SH3BP4: variants seen among roughly 807,000 people sequenced by gnomAD.
SH3BP4 encodes SH3 domain binding protein 4.
In SH3BP4, 33 loss-of-function variants were observed where a neutral mutation model predicts 65.5. The ratio of observed to expected loss-of-function variants is 0.50; its 90% CI spans 0.38 to 0.67. The LOEUF (loss-of-function observed/expected upper bound fraction) is 0.67. Among genes scored for constraint, SH3BP4 ranks in the 30% least tolerant of loss-of-function variants. The pLI is 0.00. For missense variants in SH3BP4, 1,134 were observed against 1,261.4 expected, an observed-to-expected ratio of 0.90 and a Z score of 1.53; for synonymous variants, 552 against 545.5, an observed-to-expected ratio of 1.01 and a Z score of -0.17.
chr2:235,042,677 G>A lies in SH3BP4; in HGVS notation c.1908G>A (p.Leu636=), dbSNP rs1559257931. ...AGAACGAAGTCGGGAAAATCATCCT[G>A]TCCCCGTTTGCCACCACTACAAAGT... is the stretch of plus-strand genomic sequence containing the variant. The part of the protein sequence containing the change: ...LKKNEVGKII[L]SPFATTTKYP... The change falls in exon 4 of 6, where the codon CTG becomes CTA. Residue 636 remains leucine, a synonymous_variant. Coordinates refer to ENST00000392011, the MANE Select transcript of SH3BP4 (RefSeq NM_014521.3). The surrounding 1 kb of genome is among the most constrained non-coding windows in gnomAD (Gnocchi z 7.3). The A allele has an allele frequency of 5.0e-6, 8 of 1,614,174 alleles. No individual in the cohort carries two copies. Among genetic ancestry groups the A allele is most frequent in the African/African-American group, 2.7e-5 (2 of 75,032 alleles).
Position 235,034,907 on chromosome 2 carries a change from C to T in SH3BP4, c.-96C>T. Reference sequence around the variant, plus strand: ...TTGCCGAGTGGATGCCGCCGCGCAGCGTGTTTGCTTGAGGCAGAAGCTTCA... The same window carrying T: ...TTGCCGAGTGGATGCCGCCGCGCAGTGTGTTTGCTTGAGGCAGAAGCTTCA... On this transcript the variant is annotated 5_prime_UTR_variant, in exon 3 of 6. Transcript: ENST00000392011. The surrounding 1 kb of genome is among the most constrained non-coding windows in gnomAD (Gnocchi z 6.2). 4 of 1,018,264 alleles carry T rather than the reference C, an allele frequency of 3.9e-6. No homozygotes were observed. Among genetic ancestry groups the T allele is most frequent in the Admixed American group, 2.0e-5 (1 of 50,826 alleles). The allele number at this position is 1,018,264 out of a possible 1,614,324, so 63.1% of individuals were successfully genotyped here. A position where few individuals can be genotyped will look rare whatever the true frequency, so the allele number is the denominator to read the frequency against.
At chr2:234,956,357 C>T (rs1574769495) in intron 1 of SH3BP4, among the ~76,000 whole-genome samples, 2 of 152,252 alleles carry the variant, frequency 1.3e-5, no homozygotes, top group Admixed American at 1.3e-4. Flanking sequence ...AGGGTTCCAC[C>T]TTCCTCTTTA....
chr2:234,955,698 T>C (rs1462388981), intron 1 of SH3BP4, among the ~76,000 whole-genome samples: 2 of 152,174 alleles, frequency 1.3e-5, no homozygotes, highest in Non-Finnish European at 2.9e-5. Context: ...CATATGGATT[T>C]GAGGAAGTAG....
At position 235,042,599 on chromosome 2, in the gene SH3BP4, G is replaced by A. The variant is rs1695704610; in HGVS notation, c.1830G>A (p.Gln610=). 1 of 1,613,986 alleles carries A rather than the reference G, an allele frequency of 6.2e-7. No individual in the cohort carries two copies. The highest frequency in any genetic ancestry group is 8.5e-7 in the Non-Finnish European group (1 of 1,180,034). ...ILTQFCVQTP[Q]PPPKSAIKPS... ...CCCAGTTTTGTGTCCAGACTCCTCA[G>A]CCACCCCCTAAAAGTGCCATCAAGC... The change falls in exon 4 of 6, where the codon CAG becomes CAA. Residue 610 remains glutamine, a synonymous_variant. Coordinates refer to ENST00000392011, the MANE Select transcript of SH3BP4 (RefSeq NM_014521.3). The surrounding 1 kb of genome is among the most constrained non-coding windows in gnomAD (Gnocchi z 7.3).
rs953209625 is a variant in SH3BP4, at chr2:235,046,569, C to T, written c.2478+3322C>T. 6.6e-6 allele frequency among the ~76,000 whole-genome samples: 1 copy of T among 152,016 alleles called. No homozygotes were observed. Among genetic ancestry groups the T allele is most frequent in the South Asian group, 2.1e-4 (1 of 4,818 alleles). ...CCTGGACAACAGAGTGAAACCCTGT[C>T]TTGAAAATAAAGGAAGAGAAGAAAA... On this transcript the variant is annotated intron_variant, in intron 4 of 5. Transcript: ENST00000392011. This position sits in a 1 kb window ranked among gnomAD's most constrained non-coding sequence, Gnocchi z 4.2.
chr2:235,003,551 C>T (rs577203675), intron 2 of SH3BP4, among the ~76,000 whole-genome samples: 12 of 152,314 alleles, frequency 7.9e-5, no homozygotes, highest in Admixed American at 5.9e-4. Flanking sequence ...GACTCTGGAA[C>T]TAAACTCTCT....
At chr2:235,015,831 C>G (rs543173518) in intron 2 of SH3BP4, among the ~76,000 whole-genome samples, 1 of 152,214 alleles carries the variant, frequency 6.6e-6, no homozygotes, top group South Asian at 2.1e-4. Flanking sequence ...GGGAAGCTCC[C>G]TCTCAGGTGT....
intron 2 of SH3BP4, among the ~76,000 whole-genome samples, chr2:235,002,349 T>A (rs1694129698): frequency 6.6e-6 from 1 of 152,238 alleles, no homozygotes; most frequent in African/African-American, 2.4e-5. Context: ...TGCGTAATCT[T>A]CTGAAGGACA....
chr2:235,037,367 G>A (rs890615591), intron 3 of SH3BP4, among the ~76,000 whole-genome samples: 1 of 152,146 alleles, frequency 6.6e-6, no homozygotes, highest in African/African-American at 2.4e-5. Flanking sequence ...TAGGGTTCTG[G>A]AAAGGAAGAG....
Position 235,041,309 on chromosome 2 carries a change from C to G in SH3BP4, c.540C>G (p.Ser180Arg), listed in dbSNP as rs1376912912. 6.2e-7 allele frequency: 1 copy of G among 1,614,184 alleles called. No homozygotes were observed. The highest frequency in any genetic ancestry group is 8.5e-7 in the Non-Finnish European group (1 of 1,180,030). ...ATGGGAACGTGCCCGTCATGCCCAG[C>G]CTGGATGAGCTGAATCCCAAAAGTA... is the stretch of plus-strand genomic sequence containing the variant. ...FLNGNVPVMP[S>R]LDELNPKSTV... The change falls in exon 4 of 6, where the codon AGC becomes AGG. Residue 180 changes from serine (S) to arginine (R), a missense_variant. Physicochemically the swap from Ser to Arg is moderately radical, Grantham distance 110. Transcript: ENST00000392011. The surrounding 1 kb of genome is among the most constrained non-coding windows in gnomAD (Gnocchi z 6.0).
intron 2 of SH3BP4, among the ~76,000 whole-genome samples, chr2:235,023,964 T>C (rs1194217498): frequency 6.6e-6 from 1 of 151,104 alleles, no homozygotes; most frequent in Non-Finnish European, 1.5e-5. Context: ...GACGGGTATA[T>C]TGAGGGACAG....
intron 2 of SH3BP4, among the ~76,000 whole-genome samples, chr2:235,020,873 G>A (rs192633294): frequency 6.6e-5 from 10 of 152,166 alleles, no homozygotes; most frequent in Non-Finnish European, 7.3e-5. Flanking sequence ...GATTGGTAGT[G>A]CCAAGGCCCC....
At chr2:235,014,630 C>T (rs758298124) in intron 2 of SH3BP4, among the ~76,000 whole-genome samples, 6 of 152,164 alleles carry the variant, frequency 3.9e-5, no homozygotes, top group South Asian at 2.1e-4. Flanking sequence ...TCCCATTCTC[C>T]GCTCCTGGCT....
At chr2:234,987,074 C>T (rs1194799437) in intron 1 of SH3BP4, among the ~76,000 whole-genome samples, 3 of 152,060 alleles carry the variant, frequency 2.0e-5, no homozygotes, top group African/African-American at 7.2e-5. Context: ...GCCCGGCCTG[C>T]TAATGGTTTT....
rs1695628985 is a variant in SH3BP4, at chr2:235,041,237, C to T, written c.468C>T (p.Tyr156=). The T allele has an allele frequency of 2.5e-6, 4 of 1,613,972 alleles. No individual in the cohort carries two copies. Among genetic ancestry groups the T allele is most frequent in the East Asian group, 4.5e-5 (2 of 44,888 alleles). The change falls in exon 4 of 6, where the codon TAC becomes TAT. Residue 156 remains tyrosine (Y), a synonymous_variant. Coordinates refer to ENST00000392011, the MANE Select transcript of SH3BP4 (RefSeq NM_014521.3). This position sits in a 1 kb window ranked among gnomAD's most constrained non-coding sequence, Gnocchi z 6.0. The stretch of plus-strand genomic sequence containing the variant: ...ACAAAAAAGTACCAGGCAGAATGTA[C>T]AGTAATAACCCTTTCTGGAATGGGG... ...TDDKKVPGRM[Y]SNNPFWNGVQ...
intron 2 of SH3BP4, among the ~76,000 whole-genome samples, chr2:235,011,552 G>A (rs763649272): frequency 2.6e-5 from 4 of 152,314 alleles, no homozygotes; most frequent in African/African-American, 4.8e-5. Flanking sequence ...AGTGGCTCTC[G>A]CTGTCTTCCC....
At chr2:234,957,727 A>G (rs1692620489) in intron 1 of SH3BP4, among the ~76,000 whole-genome samples, 1 of 151,888 alleles carries the variant, frequency 6.6e-6, no homozygotes, top group South Asian at 2.1e-4. Context: ...GGTGACTGTA[A>G]TGTATATCCA....
At position 235,052,793 on chromosome 2, in the gene SH3BP4, C is replaced by CA; in HGVS notation, c.2667+43_2667+44insA. ...TTCGAGCTCACCGAGCCCCTCTGTC[C>CA]CTGGGTTCCGTGGACCCATGCAGTG... On this transcript the variant is annotated intron_variant, in intron 5 of 5. Transcript: ENST00000392011. The surrounding 1 kb of genome is among the most constrained non-coding windows in gnomAD (Gnocchi z 5.0). 6.6e-7 allele frequency: 1 copy of CA among 1,518,800 alleles called. No homozygotes were observed. Among genetic ancestry groups the CA allele is most frequent in the Non-Finnish European group, 8.8e-7 (1 of 1,131,694 alleles). The allele number at this position is 1,518,800 out of a possible 1,614,324, so 94.1% of individuals were successfully genotyped here. A position where few individuals can be genotyped will look rare whatever the true frequency, so the allele number is the denominator to read the frequency against.
intron 1 of SH3BP4, among the ~76,000 whole-genome samples, chr2:234,970,076 GTCACTCACACACACTCACAAATACAC>G (rs1164094915): frequency 9.6e-6 from 1 of 104,666 alleles, no homozygotes; most frequent in African/African-American, 3.0e-5. Context: ...CACTCACACT[GTCACTCACACACACTCACAAATACAC>G]TCACTCACAC....
Sources: gnomAD v4.1 joint callset for allele counts (sites outside exome capture counted in the v4.1 genomes callset) on GRCh38, gnomAD v4.1.1 for gene constraint, Gnocchi (gnomAD v3.1) non-coding constraint, MANE v1.5 for transcripts, NCBI Gene and HGNC (gene_info 2026-07-23, HGNC 2026-07-21) for gene names.